KCNT2: variants seen among roughly 807,000 people sequenced by gnomAD.
KCNT2 encodes potassium channel subfamily T member 2.
Under a neutral mutation model 153.8 loss-of-function variants are expected in KCNT2, and 67 were observed. That is an observed-to-expected ratio of 0.44 (90% CI 0.36 to 0.53). The LOEUF is 0.53. KCNT2 is among the 20% of genes least tolerant of loss of function. The pLI is 0.00. For missense variants in KCNT2, 975 were observed against 1,354.8 expected, an observed-to-expected ratio of 0.72 and a Z score of 4.40; for synonymous variants, 500 against 458.8, an observed-to-expected ratio of 1.09 and a Z score of -1.15.
At chr1:196,599,168 A>G (rs1471974801) in intron 1 of KCNT2, among the ~76,000 whole-genome samples, 1 of 152,230 alleles carries the variant, frequency 6.6e-6, no homozygotes, top group African/African-American at 2.4e-5. Context: ...AGTTTTTGAC[A>G]GACTTGAGAC....
chr1:196,320,824 G>A lies in KCNT2; in HGVS notation c.2277-1269C>T, dbSNP rs541522439. On this transcript the variant is annotated intron_variant, in intron 19 of 27. Coordinates refer to ENST00000294725, the MANE Select transcript of KCNT2 (RefSeq NM_198503.5). ...ATGACCCAATAGTATTACATCTTAC[G>A]AATGTACCACAATTCATTCTTAAAA... Among the ~76,000 whole-genome samples, 15 of 151,186 alleles carry A rather than the reference G, an allele frequency of 9.9e-5. No homozygotes were observed. The South Asian group carries it at 1.2e-3, about 13-fold the overall frequency.
At chr1:196,393,401 T>C (rs1670652295) in intron 13 of KCNT2, among the ~76,000 whole-genome samples, 1 of 151,524 alleles carries the variant, frequency 6.6e-6, no homozygotes, top group African/African-American at 2.4e-5. Flanking sequence ...AATTTACTCT[T>C]AAAACATGAA....
chr1:196,597,047 T>G (rs1664169916), intron 1 of KCNT2, among the ~76,000 whole-genome samples: 1 of 152,152 alleles, frequency 6.6e-6, no homozygotes, highest in South Asian at 2.1e-4. Flanking sequence ...CTTTGGGCAC[T>G]TGTGGAAAAA....
intron 20 of KCNT2, among the ~76,000 whole-genome samples, chr1:196,317,945 T>G (rs1032125978): frequency 1.3e-5 from 2 of 151,732 alleles, no homozygotes; most frequent in African/African-American, 4.8e-5. Flanking sequence ...GCTTTTTAAT[T>G]ATTTTCTGCT....
intron 1 of KCNT2, among the ~76,000 whole-genome samples, chr1:196,538,634 G>A (rs1005911921): frequency 2.6e-5 from 4 of 152,126 alleles, no homozygotes; most frequent in African/African-American, 9.7e-5. Flanking sequence ...TATATAATGT[G>A]CCTCATGTAG....
chr1:196,519,063 C>A (rs2148817930), intron 1 of KCNT2, among the ~76,000 whole-genome samples: 1 of 151,966 alleles, frequency 6.6e-6, no homozygotes, highest in East Asian at 1.9e-4. Context: ...CTCAGCAAAT[C>A]CAAAAGAACC....
At chr1:196,350,779 A>C (rs1255750145) in intron 14 of KCNT2, among the ~76,000 whole-genome samples, 2 of 152,150 alleles carry the variant, frequency 1.3e-5, no homozygotes, top group African/African-American at 4.8e-5. Flanking sequence ...GTCCTTGCCC[A>C]TGCCTATGTC....
In KCNT2 at chr1:196,329,879, ATGTG is replaced by A. The variant is rs57881763; in HGVS notation, c.2103+1273_2103+1276del. Among the ~76,000 whole-genome samples the A allele has an allele frequency of 1.6e-3, 196 of 124,786 alleles. 2 individuals carry two copies. Among genetic ancestry groups the A allele is most frequent in the South Asian group, 7.0e-3 (28 of 3,998 alleles). The allele number at this position is 124,786 out of a possible 152,430, so 81.9% of individuals were successfully genotyped here. A position where few individuals can be genotyped will look rare whatever the true frequency, so the allele number is the denominator to read the frequency against. ...TATATATGTGTATATATACACTTAT[ATGTG>A]TGTGTGTGTGTGTGTGTGTGTGTAT... is the stretch of plus-strand genomic sequence containing the variant. On this transcript the variant is annotated intron_variant, in intron 18 of 27. Transcript: ENST00000294725.
chr1:196,309,119 C>G (rs1270828564), intron 21 of KCNT2, among the ~76,000 whole-genome samples: 1 of 151,828 alleles, frequency 6.6e-6, no homozygotes, highest in Non-Finnish European at 1.5e-5. Flanking sequence ...CATTAAGACA[C>G]TAGTGAATGG....
chr1:196,252,084 A>G (rs1438553917), intron 26 of KCNT2, among the ~76,000 whole-genome samples: 1 of 151,556 alleles, frequency 6.6e-6, no homozygotes, highest in African/African-American at 2.4e-5. Context: ...TAGATGTTTC[A>G]TTTTGCTAGT....
intron 1 of KCNT2, among the ~76,000 whole-genome samples, chr1:196,512,129 A>G (rs1297182035): frequency 6.6e-6 from 1 of 152,150 alleles, no homozygotes; most frequent in African/African-American, 2.4e-5. Context: ...GGCACAGTTG[A>G]TCATTTCATC....
chr1:196,294,858 G>A (rs1660536308), intron 22 of KCNT2, among the ~76,000 whole-genome samples: 1 of 151,374 alleles, frequency 6.6e-6, no homozygotes, highest in South Asian at 2.1e-4. Context: ...CATTAAAATT[G>A]AATTCATAGT....
chr1:196,562,786 G>T (rs1229999553), intron 1 of KCNT2, among the ~76,000 whole-genome samples: 1 of 150,670 alleles, frequency 6.6e-6, no homozygotes, highest in Admixed American at 6.6e-5. Context: ...ATCAATGTCC[G>T]CTATTGACAA....
intron 22 of KCNT2, among the ~76,000 whole-genome samples, chr1:196,301,167 G>T (rs1661149739): frequency 6.6e-6 from 1 of 152,098 alleles, no homozygotes; most frequent in African/African-American, 2.4e-5. Flanking sequence ...GGGCCCAACC[G>T]ATTTTGTCCC....
chr1:196,351,894 A>T (rs949286488), intron 14 of KCNT2, among the ~76,000 whole-genome samples: 1 of 152,096 alleles, frequency 6.6e-6, no homozygotes, highest in Non-Finnish European at 1.5e-5. Flanking sequence ...TACCTAATTT[A>T]TTGACAGTTT....
At chr1:196,284,248 A>AAAAAAAATATAT in intron 23 of KCNT2, among the ~76,000 whole-genome samples, 14 of 10,046 alleles carry the variant, frequency 1.4e-3, no homozygotes, top group African/African-American at 1.9e-3. Context: ...AAAAAAAAAA[A>AAAAAAAATATAT]ATATATATAT....
chr1:196,228,173 G>T lies in KCNT2; in HGVS notation c.*51C>A. 9.6e-7 allele frequency: 1 copy of T among 1,040,170 alleles called. No individual in the cohort carries two copies. The highest frequency in any genetic ancestry group is 1.4e-5 in the South Asian group (1 of 73,062). The allele number at this position is 1,040,170 out of a possible 1,614,324, so 64.4% of individuals were successfully genotyped here. A position where few individuals can be genotyped will look rare whatever the true frequency, so the allele number is the denominator to read the frequency against. ...TTTCTTTCGTGCCAGCAAAACTTTT[G>T]TGGTTTCAAGCAAGGTCTTTGTAGG... On this transcript the variant is annotated 3_prime_UTR_variant, in exon 28 of 28. Transcript: ENST00000294725.
intron 23 of KCNT2, among the ~76,000 whole-genome samples, chr1:196,285,247 T>G (rs1202539852): frequency 6.6e-6 from 1 of 152,238 alleles, no homozygotes; most frequent in Non-Finnish European, 1.5e-5. Flanking sequence ...ATCAGTTTAT[T>G]GACATCAATT....
chr1:196,246,862 A>G (rs1195335022), intron 26 of KCNT2, among the ~76,000 whole-genome samples: 1 of 152,152 alleles, frequency 6.6e-6, no homozygotes, highest in Admixed American at 6.6e-5. Context: ...GGAAGGAAAG[A>G]AGTAAGAGAA....
Sources: gnomAD v4.1 joint callset for allele counts (sites outside exome capture counted in the v4.1 genomes callset) on GRCh38, gnomAD v4.1.1 for gene constraint, MANE v1.5 for transcripts, NCBI Gene and HGNC (gene_info 2026-07-23, HGNC 2026-07-21) for gene names.